Variants in CELF2 observed in about 807,000 individuals in gnomAD.
CELF2 encodes the protein CUGBP Elav-like family member 2.
In CELF2, 8 loss-of-function variants were observed where a neutral mutation model predicts 62.6. The observed-to-expected ratio is 0.13, with a 90% confidence interval of 0.07 to 0.23. The LOEUF is 0.23. Ranked by LOEUF, CELF2 falls within the 10% of genes least tolerant of loss-of-function variation. The pLI is 1.00. For synonymous variants in CELF2, 258 were observed against 250.0 expected, an observed-to-expected ratio of 1.03 and a Z score of -0.30; for missense variants, 333 against 671.0, an observed-to-expected ratio of 0.50 and a Z score of 5.56.
Position 11,316,135 on chromosome 10 carries a change from G to C in CELF2, c.1096+1877G>C, listed in dbSNP as rs1177612401. 6.6e-6 allele frequency among the ~76,000 whole-genome samples: 1 copy of C among 152,232 alleles called. No homozygotes were observed. Among genetic ancestry groups the C allele is most frequent in the East Asian group, 1.9e-4 (1 of 5,198 alleles). ...GAGAAACCATGAGTAGTTCTTGTGTGGGGTCTTGTGTGATACACATTTTGC... is the reference window on the plus strand; with the variant it reads ...GAGAAACCATGAGTAGTTCTTGTGTCGGGTCTTGTGTGATACACATTTTGC... On this transcript the variant is annotated intron_variant, in intron 10 of 12. Transcript: ENST00000633077. The surrounding 1 kb of genome is among the most constrained non-coding windows in gnomAD (Gnocchi z 4.4).
At chr10:11,119,363 A>G (rs1453601174) in intron 1 of CELF2, among the ~76,000 whole-genome samples, 2 of 152,222 alleles carry the variant, frequency 1.3e-5, no homozygotes. Context: ...TCACTATCCA[A>G]TACCTCCGAA....
rs550198611 is a variant in CELF2, at chr10:11,270,002, G to A, written c.619-664G>A. On this transcript the variant is annotated intron_variant, in intron 6 of 12. Coordinates refer to ENST00000633077, the MANE Select transcript of CELF2 (RefSeq NM_001326342.2). The surrounding 1 kb of genome is among the most constrained non-coding windows in gnomAD (Gnocchi z 5.8). ...TTGGGTTTGCACCAGCTCCAGGGAT[G>A]GCGGGTAGCACAGGTGTGCTGAGGG... 3.9e-5 allele frequency among the ~76,000 whole-genome samples: 6 copies of A among 152,324 alleles called. No homozygotes were observed. In the East Asian group the frequency reaches 1.2e-3, roughly 29 times the overall value.
chr10:11,140,667 T>G (rs1052924948), intron 1 of CELF2, among the ~76,000 whole-genome samples: 1 of 152,212 alleles, frequency 6.6e-6, no homozygotes, highest in Non-Finnish European at 1.5e-5. Flanking sequence ...GATTTAATAC[T>G]CTCAAATTTG....
At chr10:10,708,876 A>G in the CELF2 span, among the ~76,000 whole-genome samples, 1 of 152,194 alleles carries the variant, frequency 6.6e-6, no homozygotes, top group African/African-American at 2.4e-5. Flanking sequence ...ACACACACGC[A>G]CACGCACACC....
At chr10:11,274,310 G>A (rs1250977148) in intron 7 of CELF2, among the ~76,000 whole-genome samples, 1 of 152,208 alleles carries the variant, frequency 6.6e-6, no homozygotes, top group East Asian at 1.9e-4. Context: ...CAGCACCCCA[G>A]GGGCTCCATG....
intron 1 of CELF2, among the ~76,000 whole-genome samples, chr10:11,134,570 C>T (rs547599752): frequency 5.0e-4 from 76 of 152,310 alleles, no homozygotes; most frequent in African/African-American, 1.7e-3. Flanking sequence ...CTCTGTCTTC[C>T]GTACCAGGGC....
At chr10:11,064,094 TC>T (rs1289974878) in intron 1 of CELF2, among the ~76,000 whole-genome samples, 5 of 152,198 alleles carry the variant, frequency 3.3e-5, no homozygotes, top group Non-Finnish European at 1.5e-5. Context: ...AGAGACTTGA[TC>T]CCCTCCTTCT....
At chr10:10,855,422 G>C (rs538572660) in intron 1 of CELF2, among the ~76,000 whole-genome samples, 10 of 152,198 alleles carry the variant, frequency 6.6e-5, no homozygotes, top group Admixed American at 2.0e-4. Flanking sequence ...ATTGGCACTG[G>C]TGTGAAAACC....
chr10:10,736,648 T>C, the CELF2 span, among the ~76,000 whole-genome samples: 1 of 152,022 alleles, frequency 6.6e-6, no homozygotes, highest in East Asian at 1.9e-4. Flanking sequence ...AGTTCTTATA[T>C]GGCAAGATGA....
intron 1 of CELF2, among the ~76,000 whole-genome samples, chr10:11,054,537 TTTAAC>T (rs1247049483): frequency 6.8e-6 from 1 of 148,090 alleles, no homozygotes. Context: ...AGGACCGTCT[TTTAAC>T]TTAATGTCAA....
chr10:11,175,594 G>A (rs1430664125), intron 2 of CELF2, among the ~76,000 whole-genome samples: 1 of 152,160 alleles, frequency 6.6e-6, no homozygotes, highest in Non-Finnish European at 1.5e-5. Flanking sequence ...TTAAGGAGAT[G>A]GTGGGGCAGC....
intron 1 of CELF2, among the ~76,000 whole-genome samples, chr10:10,890,487 C>T (rs1437672164): frequency 6.6e-6 from 1 of 152,136 alleles, no homozygotes; most frequent in African/African-American, 2.4e-5. Context: ...GAAATGATTA[C>T]TTGATAATTT....
chr10:11,173,307 T>G (rs2069616837), intron 2 of CELF2, among the ~76,000 whole-genome samples: 1 of 152,192 alleles, frequency 6.6e-6, no homozygotes, highest in Non-Finnish European at 1.5e-5. Context: ...CTCACACACA[T>G]TGCCTCAGAG....
rs1678148654 is a variant in CELF2, at chr10:10,993,296, C to T, written c.89+73297C>T. 6.6e-6 allele frequency among the ~76,000 whole-genome samples: 1 copy of T among 151,970 alleles called. No homozygotes were observed. On this transcript the variant is annotated intron_variant, in intron 2 of 13. Coordinates refer to the CELF2 transcript ENST00000636488. The surrounding 1 kb of genome is among the most constrained non-coding windows in gnomAD (Gnocchi z 5.3). ...TGGCCTGGCCAAACTACATTTGACT[C>T]ATTACAAAGGCTTTGACTCATTTCA... is the stretch of plus-strand genomic sequence containing the variant.
intron 1 of CELF2, among the ~76,000 whole-genome samples, chr10:10,914,131 TAAA>T (rs56850953): frequency 3.6e-4 from 51 of 143,270 alleles, no homozygotes; most frequent in African/African-American, 1.2e-3. Context: ...TACCTTTTTT[TAAA>T]AAAAAAAAAT....
chr10:10,885,374 T>C (rs1213769457), intron 1 of CELF2, among the ~76,000 whole-genome samples: 2 of 151,948 alleles, frequency 1.3e-5, no homozygotes, highest in African/African-American at 4.8e-5. Context: ...TGTTTGTTTT[T>C]AAAAATTATG....
chr10:10,522,269 T>C, the CELF2 span, among the ~76,000 whole-genome samples: 2 of 152,318 alleles, frequency 1.3e-5, no homozygotes, highest in East Asian at 3.9e-4. Context: ...GACCTTCCTG[T>C]TTTAATTTTT....
the CELF2 span, among the ~76,000 whole-genome samples, chr10:10,735,625 CT>C: frequency 6.6e-6 from 1 of 152,144 alleles, no homozygotes. Flanking sequence ...AATGAATTTC[CT>C]CAATAATTTG....
chr10:10,875,964 A>G (rs1290421404), intron 1 of CELF2, among the ~76,000 whole-genome samples: 1 of 152,202 alleles, frequency 6.6e-6, no homozygotes, highest in Non-Finnish European at 1.5e-5. Context: ...TGAACACAGC[A>G]AGAGAAAACC....
Sources: gnomAD v4.1 joint callset for allele counts (sites outside exome capture counted in the v4.1 genomes callset) on GRCh38, gnomAD v4.1.1 for gene constraint, Gnocchi (gnomAD v3.1) non-coding constraint, MANE v1.5 for transcripts, NCBI Gene and HGNC (gene_info 2026-07-23, HGNC 2026-07-21) for gene names.